HNRNPL: variants seen among roughly 807,000 people sequenced by gnomAD.
HNRNPL encodes heterogeneous nuclear ribonucleoprotein L, also known as epididymis secretory sperm binding protein.
Under a neutral mutation model 64.0 loss-of-function variants are expected in HNRNPL, and 12 were observed. The observed-to-expected ratio is 0.19, with a 90% CI of 0.12 to 0.30. HNRNPL has a LOEUF of 0.30. Ranked by LOEUF, HNRNPL falls within the 10% of genes least tolerant of loss-of-function variation. HNRNPL has a pLI of 1.00. For synonymous variants in HNRNPL, 385 were observed against 313.0 expected (o/e 1.23, Z -2.43); for missense variants, 484 against 797.4 (o/e 0.61, Z 4.73).
chr19:38,841,283 A>T (rs1191499022), intron 6 of HNRNPL: 1 of 330,368 alleles, frequency 3.0e-6, no homozygotes, highest in Non-Finnish European at 5.9e-6. Context: ...TACAGACATC[A>T]CAGCTTCTGA....
At chr19:38,841,031 GTC>G (rs894479304) in intron 6 of HNRNPL, 8 of 197,592 alleles carry the variant, frequency 4.0e-5, no homozygotes, top group Middle Eastern at 2.1e-3. Flanking sequence ...GCTCCAGACT[GTC>G]TCTGTTAGAT....
chr19:38,849,914 T>C lies in HNRNPL; in HGVS notation c.53A>G (p.Gln18Arg), dbSNP rs751889035. The change falls in exon 1 of 13, where the codon CAG becomes CGG. Residue 18 changes from glutamine to arginine, a missense_variant. By Grantham distance (43) the Gln-to-Arg change is conservative (BLOSUM62 1). This residue lies in a region of HNRNPL where 190 missense variants were observed against 160.1 expected (regional missense o/e 1.19). Coordinates refer to ENST00000221419, the MANE Select transcript of HNRNPL (RefSeq NM_001533.3). ...CCGCTGCTCGTCCGGCTGCTGCCTC[T>C]GCTCCAGCCGCCGACGCCGCTTCTC... ...RAEKRRRRLEQRQQPDEQRRR... is the reference protein window; with the variant it reads ...RAEKRRRRLERRQQPDEQRRR... 206 of 1,305,668 alleles carry C rather than the reference T, an allele frequency of 1.6e-4. No individual in the cohort carries two copies. Among genetic ancestry groups the C allele is most frequent in the Non-Finnish European group, 2.0e-4 (194 of 949,426 alleles). The allele number at this position is 1,305,668 out of a possible 1,614,324, so 80.9% of individuals were successfully genotyped here.
intron 1 of HNRNPL, chr19:38,849,467 G>C (rs766670025): frequency 2.1e-6 from 1 of 477,222 alleles, no homozygotes; most frequent in Non-Finnish European, 3.3e-6. Context: ...TTCGCCTCAC[G>C]AGCTACTTCC....
intron 1 of HNRNPL, 101 bp downstream of exon 1, chr19:38,849,599 G>T (rs958311911): frequency 2.4e-6 from 3 of 1,273,976 alleles, no homozygotes; most frequent in African/African-American, 1.5e-5. Flanking sequence ...CGATGGCCTG[G>T]GCGCGTGCGC....
At chr19:38,843,510 T>G in intron 6 of HNRNPL, 1 of 324,364 alleles carries the variant, frequency 3.1e-6, no homozygotes, top group South Asian at 4.2e-5. Flanking sequence ...ATGGAGTGAG[T>G]GACCCTCACC....
At chr19:38,844,276 T>C (rs1305449031) in intron 4 of HNRNPL, among the ~76,000 whole-genome samples, 172 bp from the exon 5 acceptor site, 1 of 152,164 alleles carries the variant, frequency 6.6e-6, no homozygotes, top group Non-Finnish European at 1.5e-5. Flanking sequence ...AAAACGGTGT[T>C]GATGGACTCA....
intron 2 of HNRNPL, 108 bp from the exon 3 acceptor site, chr19:38,846,198 G>A (rs1972289041): frequency 2.4e-6 from 2 of 837,612 alleles, no homozygotes; most frequent in Admixed American, 3.6e-5. Context: ...GAACTCCTCT[G>A]CAACCCTATC....
At chr19:38,841,754 G>T in intron 6 of HNRNPL, 1 of 609,400 alleles carries the variant, frequency 1.6e-6, no homozygotes, top group Non-Finnish European at 2.7e-6. Context: ...TTAAAGAATT[G>T]TTTTAAAAGT....
Position 38,849,883 on chromosome 19 carries a change from C to A in HNRNPL, c.84G>T (p.Arg28=), listed in dbSNP as rs760131177. Reference sequence around the variant, plus strand: ...CCGCCATCTTCACCATCGCTCCCGACCGCCTCCGCTGCTCGTCCGGCTGCT... The same window carrying A: ...CCGCCATCTTCACCATCGCTCCCGAACGCCTCCGCTGCTCGTCCGGCTGCT... The part of the protein sequence containing the change: ...QRQQPDEQRR[R]SGAMVKMAAA... The change falls in exon 1 of 13, where the codon CGG becomes CGT. Residue 28 remains arginine, a synonymous_variant. Coordinates refer to ENST00000221419, the MANE Select transcript of HNRNPL (RefSeq NM_001533.3). 1.6e-6 allele frequency: 2 copies of A among 1,237,282 alleles called. No individual in the cohort carries two copies. The highest frequency in any genetic ancestry group is 3.7e-5 in the Admixed American group (2 of 53,580). 76.6% of individuals were successfully genotyped at this position (1,237,282 alleles called of 1,614,324 possible).
intron 2 of HNRNPL, 35 bp downstream of exon 2, chr19:38,847,281 T>C (rs768972601): frequency 1.3e-5 from 15 of 1,158,852 alleles, no homozygotes; most frequent in African/African-American, 3.2e-5. Flanking sequence ...GGAGTCAACT[T>C]TGGAAGCCCA....
upstream of HNRNPL, chr19:38,850,191 C>T (rs1284471031): frequency 4.9e-6 from 2 of 405,636 alleles, no homozygotes; most frequent in African/African-American, 4.1e-5. Context: ...GCCAGTCTTT[C>T]CGTCGACCCC....
intron 3 of HNRNPL, 50 bp from the exon 4 acceptor site, chr19:38,845,785 G>C: frequency 1.3e-5 from 21 of 1,598,720 alleles, no homozygotes; most frequent in Non-Finnish European, 1.7e-5. Context: ...AGATCAGTCT[G>C]GCTTGGGGGA....
intron 1 of HNRNPL, chr19:38,849,439 C>T (rs1972423289): frequency 2.5e-6 from 1 of 399,972 alleles, no homozygotes; most frequent in Non-Finnish European, 4.3e-6. Flanking sequence ...CAGCCCGCGG[C>T]GCCTGCGCAC....
chr19:38,847,293 C>T, intron 2 of HNRNPL, 23 bp downstream of exon 2: 8 of 1,289,722 alleles, frequency 6.2e-6, no homozygotes, highest in Non-Finnish European at 7.3e-6. Flanking sequence ...GGAAGCCCAA[C>T]ACCTGGCCTC....
At position 38,848,445 on chromosome 19, in the gene HNRNPL, C is replaced by T. The variant is rs80215044; in HGVS notation, c.268-1011G>A. Among the ~76,000 whole-genome samples the T allele has an allele frequency of 9.5e-3, 1,450 of 152,346 alleles. 61 individuals are homozygous for T. In the East Asian group the frequency reaches 0.12, roughly 13 times the overall value. On this transcript the variant is annotated intron_variant, in intron 1 of 12. Transcript: ENST00000221419. Reference sequence around the variant, plus strand: ...TCCAACCCATACCATTAAGAACCGACTGCTCCTTCCTAAGAGAAGTATCTT... The same window carrying T: ...TCCAACCCATACCATTAAGAACCGATTGCTCCTTCCTAAGAGAAGTATCTT...
At chr19:38,850,657 G>A (rs1211798502), upstream of HNRNPL, among the ~76,000 whole-genome samples, 1 of 152,248 alleles carries the variant, frequency 6.6e-6, no homozygotes, top group Non-Finnish European at 1.5e-5. Context: ...CCCTTATGGA[G>A]CGACCGCTGT....
intron 8 of HNRNPL, chr19:38,839,499 T>C (rs1390994027): frequency 5.7e-6 from 1 of 176,512 alleles, no homozygotes; most frequent in Non-Finnish European, 1.2e-5. Context: ...ACTTCCCCTG[T>C]CCATCTCATT....
rs778387156 is a variant in HNRNPL, at chr19:38,846,003, G to A, written c.474C>T (p.Ala158=). Reference sequence around the variant, plus strand: ...GACCAGCAATGTATATTTGGTTGTCGGCTGCGTAGTTCACTGCGTTGCAAG... The same window carrying A: ...GACCAGCAATGTATATTTGGTTGTCAGCTGCGTAGTTCACTGCGTTGCAAG... The part of the protein sequence containing the change: ...LGACNAVNYA[A]DNQIYIAGHP... Residue 158 remains alanine, a synonymous_variant, in exon 3 of 13, where the codon GCC becomes GCT. Coordinates refer to ENST00000221419, the MANE Select transcript of HNRNPL (RefSeq NM_001533.3). 52 of 1,614,024 alleles carry A rather than the reference G, an allele frequency of 3.2e-5. No homozygotes were observed. The highest frequency in any genetic ancestry group is 4.1e-5 in the Non-Finnish European group (48 of 1,180,026).
chr19:38,846,758 A>G (rs967535506), intron 2 of HNRNPL, among the ~76,000 whole-genome samples: 55 of 152,222 alleles, frequency 3.6e-4, no homozygotes, highest in African/African-American at 1.3e-3. Flanking sequence ...AATACAAAAA[A>G]TTAGCCGGGT....
Sources: allele counts gnomAD v4.1 joint callset (sites outside exome capture counted in the v4.1 genomes callset), GRCh38; gene constraint gnomAD v4.1.1; regional missense constraint gnomAD v4.1.1; transcripts MANE v1.5; gene names NCBI Gene and HGNC (gene_info 2026-07-23, HGNC 2026-07-21).